Variants in SLC36A1 observed in about 807,000 individuals in gnomAD.
The protein encoded by SLC36A1 is proton-coupled amino acid transporter 1.
SLC36A1 carries 30 observed loss-of-function variants against 47.5 expected under a neutral mutation model. The ratio of observed to expected loss-of-function variants is 0.63; its 90% confidence interval spans 0.47 to 0.86. The LOEUF (loss-of-function observed/expected upper bound fraction) is 0.86, where lower values mean the gene tolerates loss of function less well. Ranked by LOEUF, SLC36A1 falls within the 40% of genes least tolerant of loss-of-function variation. The probability of loss-of-function intolerance (pLI) is 0.00; values close to 1 mark genes in which losing one functional copy is unlikely to be tolerated. For synonymous variants in SLC36A1, 255 were observed against 249.7 expected, an observed-to-expected ratio of 1.02 and a Z score of -0.20; for missense variants, 517 against 606.0, an observed-to-expected ratio of 0.85 and a Z score of 1.54.
At chr5:151,532,423 A>ATGAG in the SLC36A1 span, among the ~76,000 whole-genome samples, 1 of 151,852 alleles carries the variant, frequency 6.6e-6, no homozygotes, top group African/African-American at 2.4e-5. Context: ...ACACACGCAA[A>ATGAG]TGAGTGCATA....
chr5:151,347,197 C>T, the SLC36A1 span: 52 of 1,440,340 alleles, frequency 3.6e-5, no homozygotes, highest in African/African-American at 6.9e-4. Context: ...TTCTCATCTG[C>T]ACAGTGGGTT....
the SLC36A1 span, chr5:151,534,754 G>A: frequency 1.2e-4 from 102 of 829,692 alleles, no homozygotes; most frequent in Non-Finnish European, 1.6e-4. Flanking sequence ...TTTGTTCACA[G>A]CAAGGAGGGG....
chr5:151,528,383 A>C, the SLC36A1 span, among the ~76,000 whole-genome samples: 1 of 152,180 alleles, frequency 6.6e-6, no homozygotes, highest in African/African-American at 2.4e-5. Context: ...AATGTGAGGA[A>C]TGTGCTAAAA....
At chr5:151,434,159 T>C (rs1240864141), upstream of SLC36A1, among the ~76,000 whole-genome samples, 1 of 152,076 alleles carries the variant, frequency 6.6e-6, no homozygotes, top group African/African-American at 2.4e-5. Context: ...TAAGTAAAAT[T>C]CCAAGAAACA....
the SLC36A1 span, chr5:151,527,487 A>G: frequency 7.2e-6 from 8 of 1,117,092 alleles, no homozygotes; most frequent in East Asian, 2.6e-5. Context: ...ACACTTTCCT[A>G]TGCCCACCCC....
chr5:151,421,849 C>A, the SLC36A1 span, among the ~76,000 whole-genome samples: 2 of 152,168 alleles, frequency 1.3e-5, no homozygotes, highest in African/African-American at 2.4e-5. Flanking sequence ...CTCAGCCTCC[C>A]AAAGTGCTGG....
At chr5:151,553,528 T>A in the SLC36A1 span, 1 of 744,630 alleles carries the variant, frequency 1.3e-6, no homozygotes, top group Non-Finnish European at 2.3e-6. Context: ...GATGCATACT[T>A]GAAGGCTTGC....
the SLC36A1 span, chr5:151,551,431 C>A: frequency 3.1e-6 from 5 of 1,605,084 alleles, no homozygotes; most frequent in Admixed American, 8.4e-5. Flanking sequence ...CTTCCATCTC[C>A]TCTCAATACA....
intron 5 of SLC36A1, 96 bp downstream of exon 5, chr5:151,465,265 G>C (rs575027305): frequency 4.0e-6 from 4 of 1,008,196 alleles, no homozygotes; most frequent in Non-Finnish European, 6.3e-6. Flanking sequence ...AGCGTGGAAA[G>C]AGTGCTGTTT....
At chr5:151,365,927 A>G in the SLC36A1 span, among the ~76,000 whole-genome samples, 1 of 152,108 alleles carries the variant, frequency 6.6e-6, no homozygotes, top group South Asian at 2.1e-4. Flanking sequence ...ACACATCAAT[A>G]TTTTCTCAGC....
At chr5:151,527,527 A>G in the SLC36A1 span, 1 of 656,880 alleles carries the variant, frequency 1.5e-6, no homozygotes. Flanking sequence ...TTTAGGGCTT[A>G]GGTTCTGGAG....
the SLC36A1 span, among the ~76,000 whole-genome samples, chr5:151,385,715 A>T: frequency 6.6e-6 from 1 of 152,150 alleles, no homozygotes; most frequent in East Asian, 1.9e-4. Flanking sequence ...AAAAAAAACA[A>T]TAAAACAAAA....
chr5:151,542,935 G>A, the SLC36A1 span: 3 of 1,614,228 alleles, frequency 1.9e-6, no homozygotes, highest in Middle Eastern at 1.6e-4. Flanking sequence ...GCTCTCAGGT[G>A]TAGTGCCCCG....
chr5:151,507,325 G>T, the SLC36A1 span: 1 of 1,614,188 alleles, frequency 6.2e-7, no homozygotes, highest in Non-Finnish European at 8.5e-7. Flanking sequence ...GGTTCCGGTT[G>T]GTTGAGGTTG....
chr5:151,385,009 A>AGAGTGTGTGTGTGTGT, the SLC36A1 span, among the ~76,000 whole-genome samples: 363 of 128,468 alleles, frequency 2.8e-3, 3 homozygotes, highest in African/African-American at 0.011. Context: ...AGAGAGAGAG[A>AGAGTGTGTGTGTGTGT]GTGTGTGTGT....
the SLC36A1 span, chr5:151,510,362 C>G: frequency 1.7e-6 from 1 of 589,766 alleles, no homozygotes; most frequent in Admixed American, 3.0e-5. Flanking sequence ...GGTCCCTGCC[C>G]TCAAACAGCT....
chr5:151,505,274 G>T, the SLC36A1 span: 3 of 473,480 alleles, frequency 6.3e-6, no homozygotes, highest in African/African-American at 6.0e-5. Flanking sequence ...GAGCCCTCCT[G>T]TCTCTCGCCC....
At chr5:151,392,157 C>G in the SLC36A1 span, among the ~76,000 whole-genome samples, 2 of 152,132 alleles carry the variant, frequency 1.3e-5, no homozygotes, top group Non-Finnish European at 2.9e-5. Context: ...AAGAATGTAT[C>G]CATTTCTTCT....
chr5:151,544,077 C>T, the SLC36A1 span: 1 of 1,614,152 alleles, frequency 6.2e-7, no homozygotes, highest in East Asian at 2.2e-5. Context: ...TATCCATGGC[C>T]CTGACTTTCA....
Sources: gnomAD v4.1 joint callset for allele counts (sites outside exome capture counted in the v4.1 genomes callset) on GRCh38, gnomAD v4.1.1 for gene constraint, MANE v1.5 for transcripts, NCBI Gene and HGNC (gene_info 2026-07-23, HGNC 2026-07-21) for gene names.